TWF1: variants seen among roughly 807,000 people sequenced by gnomAD.
TWF1 encodes the protein twinfilin actin binding protein 1.
Under a neutral mutation model 47.9 loss-of-function variants are expected in TWF1, and 14 were observed. The ratio of observed to expected loss-of-function variants is 0.29; its 90% CI spans 0.19 to 0.46. TWF1 has a LOEUF of 0.46. TWF1 is among the 20% of genes least tolerant of loss of function. The pLI, the probability that TWF1 is intolerant of heterozygous loss-of-function variation, is 1.00. For synonymous variants in TWF1, 96 were observed against 139.2 expected (o/e 0.69, Z 2.18); for missense variants, 281 against 409.3 (o/e 0.69, Z 2.70).
chr12:43,806,280 G>A lies in TWF1; in HGVS notation c.-35C>T. On this transcript the variant is annotated 5_prime_UTR_variant, in exon 1 of 9. Coordinates refer to ENST00000395510, the MANE Select transcript of TWF1 (RefSeq NM_002822.5). ...CGCTAGCTCCCGGCTCCGGCGCTGA[G>A]TGCAGCCAGCGGCCCCGGCCGGCGG... The A allele has an allele frequency of 2.0e-6, 3 of 1,488,898 alleles. No individual in the cohort carries two copies. The highest frequency in any genetic ancestry group is 2.9e-5 in the East Asian group (1 of 34,580). 92.2% of individuals were successfully genotyped at this position (1,488,898 alleles called of 1,614,324 possible). A position where few individuals can be genotyped will look rare whatever the true frequency, so the allele number is the denominator to read the frequency against.
intron 2 of TWF1, chr12:43,804,198 G>A: frequency 2.2e-6 from 1 of 452,512 alleles, no homozygotes; most frequent in Middle Eastern, 3.2e-4. Flanking sequence ...TTCCATTCCA[G>A]AGATGGAAGC....
chr12:43,804,422 A>G lies in TWF1; in HGVS notation c.103+73T>C, dbSNP rs1030421689. 10 of 926,284 alleles carry G rather than the reference A, an allele frequency of 1.1e-5. No homozygotes were observed. The East Asian group carries it at 2.6e-4, about 24-fold the overall frequency. The allele number at this position is 926,284 out of a possible 1,614,324, so 57.4% of individuals were successfully genotyped here. A position where few individuals can be genotyped will look rare whatever the true frequency, so the allele number is the denominator to read the frequency against. On this transcript the variant is annotated intron_variant, in intron 2 of 8. Coordinates refer to ENST00000395510, the MANE Select transcript of TWF1 (RefSeq NM_002822.5). ...TTAATTAATAGTTCAAATCACTGAC[A>G]ACACACAGTAAGTTTAAAAATACAA...
rs1362159447 is a variant in TWF1 at position 43,799,318 on chromosome 12, A to G, written c.483+80T>C. ...TACCTAACTTCTTTAATCTCTAGTT[A>G]TCCTCCCACATCTATTAATTAAAAA... On this transcript the variant is annotated intron_variant, in intron 5 of 8. Coordinates refer to ENST00000395510, the MANE Select transcript of TWF1 (RefSeq NM_002822.5). The G allele has an allele frequency of 3.4e-6, 3 of 895,508 alleles. No homozygotes were observed. The African/African-American group carries it at 5.1e-5, about 15-fold the overall frequency. The allele number at this position is 895,508 out of a possible 1,614,324, so 55.5% of individuals were successfully genotyped here. A position where few individuals can be genotyped will look rare whatever the true frequency, so the allele number is the denominator to read the frequency against.
chr12:43,804,753 A>G (rs541720009), intron 1 of TWF1, among the ~76,000 whole-genome samples, 181 bp from the exon 2 acceptor site: 4 of 152,352 alleles, frequency 2.6e-5, no homozygotes, highest in African/African-American at 9.6e-5. Context: ...AAGAAATATA[A>G]ATATTAGCAT....
chr12:43,797,992 T>G (rs115243912), intron 5 of TWF1, 159 bp from the exon 6 acceptor site: 26,490 of 712,028 alleles, frequency 0.037, 609 homozygotes, highest in African/African-American at 0.046. Context: ...TAGCATTTTG[T>G]CAACATGCAG....
chr12:43,805,799 T>G (rs763907099), intron 1 of TWF1: 50 of 1,361,228 alleles, frequency 3.7e-5, no homozygotes, highest in Admixed American at 1.5e-4. Flanking sequence ...TCCTGTAATA[T>G]TCTCCTTTGG....
At chr12:43,805,666 C>G in intron 1 of TWF1, 1 of 671,140 alleles carries the variant, frequency 1.5e-6, no homozygotes, top group Non-Finnish European at 2.4e-6. Flanking sequence ...CACACGCTTA[C>G]ACTCGAGATT....
At chr12:43,803,615 T>G (rs1187055795) in intron 2 of TWF1, among the ~76,000 whole-genome samples, 1 of 152,118 alleles carries the variant, frequency 6.6e-6, no homozygotes, top group Non-Finnish European at 1.5e-5. Flanking sequence ...TCCATTTTAG[T>G]TCCTTAACTA....
chr12:43,800,909 C>T (rs924519052), intron 3 of TWF1, among the ~76,000 whole-genome samples: 1 of 152,102 alleles, frequency 6.6e-6, no homozygotes, highest in Non-Finnish European at 1.5e-5. Context: ...CGCCACCACA[C>T]TTGGCTAATT....
intron 1 of TWF1, 65 bp downstream of exon 1, chr12:43,806,156 G>A (rs1942766230): frequency 6.5e-7 from 1 of 1,534,230 alleles, no homozygotes; most frequent in Non-Finnish European, 8.7e-7. Flanking sequence ...CGGTCCTGCA[G>A]CCCTCCCGGC....
At chr12:43,805,519 A>C (rs1054504658) in intron 1 of TWF1, 1 of 456,182 alleles carries the variant, frequency 2.2e-6, no homozygotes, top group Non-Finnish European at 4.4e-6. Flanking sequence ...TGATGAGGTG[A>C]GTACCTGCAG....
rs1426984838 is a variant in TWF1, at chr12:43,794,160, T to C, written c.*1425A>G. 1 of 152,648 alleles carries C rather than the reference T, an allele frequency of 6.6e-6. No individual in the cohort carries two copies. The highest frequency in any genetic ancestry group is 2.4e-5 in the African/African-American group (1 of 41,462). The allele number at this position is 152,648 out of a possible 1,614,324, so 9.5% of individuals were successfully genotyped here. ...TAATTTGGGTGTATGTGTGTCTGTC[T>C]ACGTGTACACCCATGGAACAACTTA... On this transcript the variant is annotated 3_prime_UTR_variant, in exon 9 of 9. Coordinates refer to ENST00000395510, the MANE Select transcript of TWF1 (RefSeq NM_002822.5).
Position 43,797,373 on chromosome 12 carries a change from G to T in TWF1, c.689C>A (p.Pro230His), listed in dbSNP as rs1942572993. 6.2e-7 allele frequency: 1 copy of T among 1,605,352 alleles called. No homozygotes were observed. Among genetic ancestry groups the T allele is most frequent in the South Asian group, 1.1e-5 (1 of 89,394 alleles). ...GAAATGGTAACGAGCTGAATCCTTG[G>T]GAATCCTCTTTGGCAAATCTTTCAG... ...TELKDLPKRI[P>H]KDSARYHFFL... Residue 230 changes from proline to histidine, a missense_variant, in exon 7 of 9, where the codon CCC (proline) becomes CAC (histidine). Physicochemically the swap from Pro to His is moderately conservative, Grantham distance 77. Transcript: ENST00000395510.
intron 8 of TWF1, among the ~76,000 whole-genome samples, chr12:43,796,100 T>G (rs922954608): frequency 1.1e-4 from 16 of 152,192 alleles, no homozygotes; most frequent in Non-Finnish European, 7.4e-5. Context: ...TTGAAAGCCC[T>G]CTACAAGAGA....
At chr12:43,801,268 A>G (rs1942656501) in intron 3 of TWF1, among the ~76,000 whole-genome samples, 1 of 152,178 alleles carries the variant, frequency 6.6e-6, no homozygotes, top group Non-Finnish European at 1.5e-5. Flanking sequence ...AGGGACACAA[A>G]GATGGAAAAA....
At chr12:43,797,516 T>C in intron 6 of TWF1, 64 bp from the exon 7 acceptor site, 4 of 1,413,402 alleles carry the variant, frequency 2.8e-6, no homozygotes, top group East Asian at 2.4e-5. Context: ...TTAAAACATA[T>C]AATAAAAAGA....
Position 43,795,467 on chromosome 12 carries a change from T to C in TWF1, c.*118A>G, listed in dbSNP as rs1339186222. ...AAACACACAGAAGTGAAAAGTGCTA[T>C]TTTCCAAAAAGTACAATTTTTTTCC... is the stretch of plus-strand genomic sequence containing the variant. On this transcript the variant is annotated 3_prime_UTR_variant, in exon 9 of 9. Coordinates refer to ENST00000395510, the MANE Select transcript of TWF1 (RefSeq NM_002822.5). 1.0e-6 allele frequency: 1 copy of C among 960,450 alleles called. No individual in the cohort carries two copies. The highest frequency in any genetic ancestry group is 1.6e-5 in the African/African-American group (1 of 60,908). 59.5% of individuals were successfully genotyped at this position (960,450 alleles called of 1,614,324 possible).
intron 7 of TWF1, 44 bp from the exon 8 acceptor site, chr12:43,797,141 A>C (rs1228970184): frequency 1.3e-6 from 2 of 1,529,420 alleles, no homozygotes; most frequent in South Asian, 2.4e-5. Context: ...ATATCAATAC[A>C]TAAACTTCAT....
intron 1 of TWF1, 41 bp from the exon 2 acceptor site, chr12:43,804,613 A>G: frequency 1.5e-6 from 2 of 1,359,214 alleles, no homozygotes; most frequent in South Asian, 1.3e-5. Context: ...TTATACTTAC[A>G]TATAAATACT....
Sources: gnomAD v4.1 joint callset for allele counts (sites outside exome capture counted in the v4.1 genomes callset) on GRCh38, gnomAD v4.1.1 for gene constraint, MANE v1.5 for transcripts, NCBI Gene and HGNC (gene_info 2026-07-23, HGNC 2026-07-21) for gene names.